HMCN2: variants seen among roughly 807,000 people sequenced by gnomAD.
HMCN2 encodes hemicentin-2.
HMCN2 carries 325 observed loss-of-function variants against 377.5 expected under a neutral mutation model. That is an observed-to-expected ratio of 0.86 (90% CI 0.79 to 0.94). The LOEUF is 0.94. HMCN2 is among the 40% of genes least tolerant of loss of function. HMCN2 has a pLI of 0.00. For synonymous variants in HMCN2, 2,007 were observed against 2,046.8 expected (o/e 0.98, Z 0.53); for missense variants, 4,543 against 4,725.3 (o/e 0.96, Z 1.13).
chr9:130,323,395 G>A (rs1163566716), intron 19 of HMCN2, among the ~76,000 whole-genome samples: 1 of 152,168 alleles, frequency 6.6e-6, no homozygotes, highest in Admixed American at 6.5e-5. Flanking sequence ...GCGAATCTGA[G>A]TGGTGCCCAG....
intron 15 of HMCN2, among the ~76,000 whole-genome samples, chr9:130,315,035 G>A (rs1163878674): frequency 2.6e-5 from 4 of 151,802 alleles, no homozygotes; most frequent in African/African-American, 9.7e-5. Flanking sequence ...ATCCCTGGGA[G>A]GGGAGCGTGG....
chr9:130,370,491 G>T (rs1473518916), intron 45 of HMCN2, among the ~76,000 whole-genome samples: 2 of 152,204 alleles, frequency 1.3e-5, no homozygotes, highest in African/African-American at 4.8e-5. Flanking sequence ...GGGATCTCGA[G>T]CCTCACCCAG....
At chr9:130,288,476 C>G (rs2131290499) in intron 4 of HMCN2, among the ~76,000 whole-genome samples, 1 of 152,346 alleles carries the variant, frequency 6.6e-6, no homozygotes, top group South Asian at 2.1e-4. Flanking sequence ...GGGAAGGTGG[C>G]TGGACAGCCA....
At position 130,304,843 on chromosome 9, in the gene HMCN2, G is replaced by A. The variant is rs1397595513; in HGVS notation, c.1657G>A (p.Asp553Asn). The change falls in exon 11 of 98, where the codon GAC (aspartate) becomes AAC (asparagine). Residue 553 changes from aspartate (D) to asparagine (N), a missense_variant. Asp to Asn is a conservative substitution (Grantham distance 23). Transcript: ENST00000683500. This position sits in a 1 kb window ranked among gnomAD's most constrained non-coding sequence, Gnocchi z 4.3. ...EAPYNLTWVR[D>N]WRVLPASTGR... ...CCCCTACAACCTGACGTGGGTCCGG[G>A]ACTGGCGAGTCCTGCCGGCCTCGAC... 2.3e-5 allele frequency: 11 copies of A among 471,008 alleles called. No homozygotes were observed. The highest frequency in any genetic ancestry group is 6.9e-5 in the East Asian group (1 of 14,408). The allele number at this position is 471,008 out of a possible 1,614,324, so 29.2% of individuals were successfully genotyped here. A position where few individuals can be genotyped will look rare whatever the true frequency, so the allele number is the denominator to read the frequency against.
intron 19 of HMCN2, among the ~76,000 whole-genome samples, chr9:130,325,034 C>T (rs1302911337): frequency 1.3e-5 from 2 of 151,892 alleles, no homozygotes; most frequent in African/African-American, 4.8e-5. Flanking sequence ...CTCTTCATCG[C>T]TTCCTCCCCC....
chr9:130,395,447 C>G, intron 71 of HMCN2, 100 bp downstream of exon 71: 7 of 1,050,442 alleles, frequency 6.7e-6, no homozygotes, highest in Non-Finnish European at 8.6e-6. Flanking sequence ...GCCAAGGGCC[C>G]GCTCTGAGCT....
chr9:130,340,520 CTT>C (rs879005826), intron 23 of HMCN2, among the ~76,000 whole-genome samples: 3 of 144,208 alleles, frequency 2.1e-5, no homozygotes. Flanking sequence ...CCAAGTGGCG[CTT>C]TTTTTTTTTT....
At chr9:130,425,234 C>G (rs981259290) in intron 89 of HMCN2, 104 bp downstream of exon 89, 3 of 1,276,656 alleles carry the variant, frequency 2.3e-6, no homozygotes, top group Non-Finnish European at 3.2e-6. Flanking sequence ...TCCCTTCTGA[C>G]AGCGCTGCAG....
In HMCN2 at chr9:130,374,527, G is replaced by T. The variant is rs1414829390; in HGVS notation, c.7464G>T (p.Trp2488Cys). 3.0e-6 allele frequency: 3 copies of T among 985,754 alleles called. No homozygotes were observed. The highest frequency in any genetic ancestry group is 3.6e-6 in the Non-Finnish European group (3 of 830,008). The allele number at this position is 985,754 out of a possible 1,614,324, so 61.1% of individuals were successfully genotyped here. The change falls in exon 49 of 98, where the codon TGG becomes TGT. Residue 2488 changes from tryptophan (W) to cysteine (C), a missense_variant. This residue lies in a region of HMCN2 where 1,032 missense variants were observed against 1,285.1 expected (regional missense o/e 0.80). Transcript: ENST00000683500. ...GCCACCCACAGCCCAAGCTCACATG[G>T]TTCAAAGATGGCCGGCCTCTGGCTA... is the stretch of plus-strand genomic sequence containing the variant. The part of the protein sequence containing the change: ...VTGHPQPKLT[W>C]FKDGRPLARG...
At chr9:130,346,605 G>C (rs1234081447) in intron 25 of HMCN2, among the ~76,000 whole-genome samples, 1 of 152,160 alleles carries the variant, frequency 6.6e-6, no homozygotes, top group Non-Finnish European at 1.5e-5. Context: ...CTAACCCCAG[G>C]GCACAACGCA....
At position 130,355,865 on chromosome 9, in the gene HMCN2, G is replaced by C; in HGVS notation, c.5255+11G>C. On this transcript the variant is annotated intron_variant, in intron 33 of 97. Transcript: ENST00000683500. ...AGTACCCACTATCCAGTGAGTCTGG[G>C]GTGGTGGAGGCCAGGGCTGGGGGTA... 7.8e-7 allele frequency: 1 copy of C among 1,282,610 alleles called. No individual in the cohort carries two copies. Among genetic ancestry groups the C allele is most frequent in the Non-Finnish European group, 1.0e-6 (1 of 969,892 alleles). The allele number at this position is 1,282,610 out of a possible 1,614,324, so 79.5% of individuals were successfully genotyped here.
intron 15 of HMCN2, among the ~76,000 whole-genome samples, chr9:130,317,831 C>G (rs991574128): frequency 6.6e-6 from 1 of 151,360 alleles, no homozygotes; most frequent in African/African-American, 2.4e-5. Context: ...AGTCAGGAGA[C>G]AAAGCAGCGC....
intron 77 of HMCN2, among the ~76,000 whole-genome samples, 159 bp from the exon 78 acceptor site, chr9:130,402,630 T>C: frequency 6.6e-6 from 1 of 152,180 alleles, no homozygotes; most frequent in East Asian, 1.9e-4. Context: ...CAAACCTAGA[T>C]GTCAGGTTCC....
At position 130,427,528 on chromosome 9, in the gene HMCN2, C is replaced by T; in HGVS notation, c.13974C>T (p.Pro4658=). ...DRDECSGGPS[P]CSHACLNAPG... is the part of the protein sequence containing the mutation. ...ACGAGTGCTCAGGAGGCCCTAGCCC[C>T]TGCTCCCATGCCTGCCTTAATGCAC... is the stretch of plus-strand genomic sequence containing the variant. The change falls in exon 92 of 98, where the codon CCC becomes CCT. Residue 4658 remains proline (P), a synonymous_variant. Transcript: ENST00000683500. The T allele has an allele frequency of 6.4e-7, 1 of 1,550,534 alleles. No individual in the cohort carries two copies. The highest frequency in any genetic ancestry group is 8.7e-7 in the Non-Finnish European group (1 of 1,146,980).
chr9:130,349,487 G>T, intron 28 of HMCN2, 50 bp from the exon 29 acceptor site: 1 of 1,291,988 alleles, frequency 7.7e-7, no homozygotes, highest in Admixed American at 2.3e-5. Context: ...GGTAGGCGGG[G>T]CTTGCAGGGT....
At chr9:130,285,865 A>G (rs1002155337) in intron 3 of HMCN2, among the ~76,000 whole-genome samples, 7 of 152,118 alleles carry the variant, frequency 4.6e-5, no homozygotes, top group Non-Finnish European at 1.0e-4. Context: ...GGTTCTTCTA[A>G]GTCTGCAGCC....
intron 27 of HMCN2, 37 bp downstream of exon 27, chr9:130,348,712 G>A: frequency 2.9e-6 from 2 of 680,118 alleles, no homozygotes; most frequent in Non-Finnish European, 4.7e-6. Context: ...GTATGGGTGG[G>A]ATTTAGGCTG....
intron 15 of HMCN2, among the ~76,000 whole-genome samples, chr9:130,312,744 C>A (rs1368406051): frequency 1.3e-5 from 2 of 150,928 alleles, no homozygotes; most frequent in African/African-American, 2.4e-5. Context: ...CGGCTCACTG[C>A]AACCTCTACC....
intron 84 of HMCN2, among the ~76,000 whole-genome samples, chr9:130,409,497 C>T (rs1843298979): frequency 1.3e-5 from 2 of 152,218 alleles, no homozygotes; most frequent in Non-Finnish European, 2.9e-5. Flanking sequence ...GACTCAAGTT[C>T]ATCTTAGGGG....
Sources: allele counts gnomAD v4.1 joint callset (sites outside exome capture counted in the v4.1 genomes callset), GRCh38; gene constraint gnomAD v4.1.1; regional missense constraint gnomAD v4.1.1; non-coding constraint Gnocchi (gnomAD v3.1); transcripts MANE v1.5; gene names NCBI Gene and HGNC (gene_info 2026-07-23, HGNC 2026-07-21).